The following CHRNE variants were observed in gnomAD, a reference collection of about 807,000 sequenced individuals.
CHRNE encodes the protein cholinergic receptor nicotinic epsilon subunit, also known as acetylcholine receptor subunit epsilon.
In CHRNE, 58 loss-of-function variants were observed where a neutral mutation model predicts 56.5. The observed-to-expected ratio is 1.03, with a 90% CI of 0.83 to 1.28. The LOEUF (loss-of-function observed/expected upper bound fraction) is 1.28. Ranked by LOEUF, CHRNE falls within the 50% of genes most tolerant of loss-of-function variation. The pLI is 0.00. For synonymous variants in CHRNE, 385 were observed against 297.9 expected (o/e 1.29, Z -3.01); for missense variants, 793 against 688.9 (o/e 1.15, Z -1.69).
intron 8 of CHRNE, chr17:4,900,438 C>G (rs1969943821): frequency 1.3e-6 from 2 of 1,550,964 alleles, no homozygotes; most frequent in East Asian, 4.9e-5. Flanking sequence ...TGGACGGGGT[C>G]TGCAGGGGTC....
chr17:4,905,410 A>T (rs1000680432), upstream of CHRNE, among the ~76,000 whole-genome samples: 7 of 152,036 alleles, frequency 4.6e-5, no homozygotes, highest in Non-Finnish European at 1.0e-4. Flanking sequence ...ACAACAACAA[A>T]AAATATTAGC....
Position 4,901,104 on chromosome 17 carries a change from CG to C in CHRNE, c.687del (p.Asp229GlufsTer71), listed in dbSNP as rs1250853600. The C allele has an allele frequency of 7.4e-6, 12 of 1,613,554 alleles. No individual in the cohort carries two copies. Among genetic ancestry groups the C allele is most frequent in the Non-Finnish European group, 1.0e-5 (12 of 1,179,966 alleles). On this transcript the variant is annotated frameshift_variant, in exon 7 of 12. Coordinates refer to ENST00000649488, the MANE Select transcript of CHRNE (RefSeq NM_000080.4). LOFTEE classifies it high-confidence loss of function. ...GGATDGPGET[D>X]VIYSLIIRRK... is the part of the protein sequence containing the mutation. ...CGGCGGATGATGAGCGAGTAGATGACGTCAGTCTCCCCTGGGCCGTCGGTGG... is the reference window on the plus strand; with the variant it reads ...CGGCGGATGATGAGCGAGTAGATGACTCAGTCTCCCCTGGGCCGTCGGTGG...
chr17:4,901,590 G>C lies in CHRNE; in HGVS notation c.536C>G (p.Thr179Ser). The C allele has an allele frequency of 6.2e-7, 1 of 1,614,172 alleles. No individual in the cohort carries two copies. Among genetic ancestry groups the C allele is most frequent in the South Asian group, 1.1e-5 (1 of 91,090 alleles). The change falls in exon 6 of 12, where the codon ACT becomes AGT. Residue 179 changes from threonine (T) to serine (S), a missense_variant. Physicochemically the swap from Thr to Ser is moderately conservative, Grantham distance 58. Transcript: ENST00000649488. Reference sequence around the variant, plus strand: ...CTTGCCGTCGTTGTCTACGGCAAAAGTGAACTCCACCTCTTCGGCATTGTA... The same window carrying C: ...CTTGCCGTCGTTGTCTACGGCAAAACTGAACTCCACCTCTTCGGCATTGTA... ...QTYNAEEVEF[T>S]FAVDNDGKTI... is the part of the protein sequence containing the mutation.
At position 4,902,523 on chromosome 17, in the gene CHRNE, G is replaced by A; in HGVS notation, c.190-29C>T. 6.2e-7 allele frequency: 1 copy of A among 1,614,198 alleles called. No individual in the cohort carries two copies. The highest frequency in any genetic ancestry group is 8.5e-7 in the Non-Finnish European group (1 of 1,180,028). ...CAGATGGGAGATGGGGATGATTGAAGTGAGATTTCAGGGCCAGAAGTGAGC... is the reference window on the plus strand; with the variant it reads ...CAGATGGGAGATGGGGATGATTGAAATGAGATTTCAGGGCCAGAAGTGAGC... On this transcript the variant is annotated intron_variant, in intron 2 of 11. Coordinates refer to ENST00000649488, the MANE Select transcript of CHRNE (RefSeq NM_000080.4). This position sits in a 1 kb window ranked among gnomAD's most constrained non-coding sequence, Gnocchi z 4.0.
rs1398583523 is a variant in CHRNE, at chr17:4,899,288, AGCCCACCGACGAC to A, written c.1116_1128del (p.Ser373TyrfsTer8). On this transcript the variant is annotated frameshift_variant, in exon 10 of 12. Coordinates refer to ENST00000649488, the MANE Select transcript of CHRNE (RefSeq NM_000080.4). LOFTEE classifies it high-confidence loss of function. ...ATCAGCTCCTCCGCGCGGAGCAATA[AGCCCACCGACGAC>A]GCCCGCCTTGGGGGCGAGGCGGCCC... 1.9e-6 allele frequency: 3 copies of A among 1,598,190 alleles called. No individual in the cohort carries two copies. In the Admixed American group the frequency reaches 5.0e-5, roughly 27 times the overall value.
chr17:4,908,673 C>T (rs1373606762), intron 1 of CHRNE, among the ~76,000 whole-genome samples: 3 of 151,062 alleles, frequency 2.0e-5, no homozygotes, highest in Non-Finnish European at 4.4e-5. Context: ...CCTGACAATT[C>T]CCCTACACAC....
rs776585678 is a variant in CHRNE at position 4,900,811 on chromosome 17, C to G, written c.899G>C (p.Ser300Thr). The G allele has an allele frequency of 6.2e-7, 1 of 1,614,044 alleles. No individual in the cohort carries two copies. The highest frequency in any genetic ancestry group is 1.1e-5 in the South Asian group (1 of 91,084). ...IAQKIPETSL[S>T]VPLLGRFLIF... ...GCTTCACCTGCCCAGGAGCGGCACG[C>G]TCAGAGAAGTCTCTGGGATTTTCTG... Residue 300 changes from serine (S) to threonine (T), a missense_variant, in exon 8 of 12, where the codon AGC becomes ACC. By Grantham distance (58) the Ser-to-Thr change is moderately conservative. Transcript: ENST00000649488.
rs749801173 is a variant in CHRNE at position 4,900,463 on chromosome 17, G to C, written c.917+330C>G. 9 of 1,551,116 alleles carry C rather than the reference G, an allele frequency of 5.8e-6. No individual in the cohort carries two copies. The South Asian group carries it at 1.1e-4, about 18-fold the overall frequency. ...CTGCAGGGGTCTGCCTCATTCCTGC[G>C]ACAGTCGCAACAGCAGCTAGGCCTC... is the stretch of plus-strand genomic sequence containing the variant. On this transcript the variant is annotated intron_variant, in intron 8 of 11. Transcript: ENST00000649488.
upstream of CHRNE, among the ~76,000 whole-genome samples, chr17:4,907,299 C>T (rs1488184093): frequency 6.6e-6 from 1 of 152,064 alleles, no homozygotes; most frequent in Non-Finnish European, 1.5e-5. Context: ...CGCGGGGGCT[C>T]ACGCCTGTAA....
At position 4,899,019 on chromosome 17, in the gene CHRNE, A is replaced by G; in HGVS notation, c.1308T>C (p.Asp436=). 6.2e-7 allele frequency: 1 copy of G among 1,607,154 alleles called. No individual in the cohort carries two copies. The highest frequency in any genetic ancestry group is 8.5e-7 in the Non-Finnish European group (1 of 1,177,768). ...AVNFVAESTR[D]QEATGEEVSD... ...GTCCCACCTCGCCGGTGGCCTCCTG[A>G]TCTCTCGTGCTCTCGGCCACGAAGT... Residue 436 remains aspartate, a synonymous_variant, in exon 11 of 12, where the codon GAT becomes GAC. Coordinates refer to ENST00000649488, the MANE Select transcript of CHRNE (RefSeq NM_000080.4).
rs753134441 is a variant in CHRNE, at chr17:4,902,768, G to T, written c.47-5C>A. The T allele has an allele frequency of 6.2e-7, 1 of 1,614,018 alleles. No homozygotes were observed. Among genetic ancestry groups the T allele is most frequent in the Non-Finnish European group, 8.5e-7 (1 of 1,180,018 alleles). On this transcript the variant is annotated splice_region_variant and splice_polypyrimidine_tract_variant and intron_variant, in intron 1 of 11. Transcript: ENST00000649488. This position sits in a 1 kb window ranked among gnomAD's most constrained non-coding sequence, Gnocchi z 4.0. ...CGTTCTTCCCCACACCCCTGCCTGC[G>T]ATGGGGTCAAGAAGGAAGGGTCATT...
chr17:4,902,759 C>A lies in CHRNE; in HGVS notation c.51G>T (p.Arg17Ser). The change falls in exon 2 of 12, where the codon AGG becomes AGT. Residue 17 changes from arginine to serine, a missense_variant. Coordinates refer to ENST00000649488, the MANE Select transcript of CHRNE (RefSeq NM_000080.4). This position sits in a 1 kb window ranked among gnomAD's most constrained non-coding sequence, Gnocchi z 4.0. ...GVLLLLGLLGRGVGKNEELRL... is the reference protein window; with the variant it reads ...GVLLLLGLLGSGVGKNEELRL... ...GCAGTTCCTCGTTCTTCCCCACACC[C>A]CTGCCTGCGATGGGGTCAAGAAGGA... 1 of 1,614,024 alleles carries A rather than the reference C, an allele frequency of 6.2e-7. No homozygotes were observed. The highest frequency in any genetic ancestry group is 1.1e-5 in the South Asian group (1 of 91,074).
upstream of CHRNE, among the ~76,000 whole-genome samples, chr17:4,907,314 T>C (rs1023894177): frequency 2.6e-5 from 4 of 151,602 alleles, no homozygotes; most frequent in South Asian, 2.1e-4. Context: ...CTGTAATCCC[T>C]GCACTTCGGG....
chr17:4,900,972 T>C lies in CHRNE; in HGVS notation c.802+18A>G, dbSNP rs755437862. 1.1e-5 allele frequency: 17 copies of C among 1,613,832 alleles called. No homozygotes were observed. The East Asian group carries it at 3.8e-4, about 36-fold the overall frequency. On this transcript the variant is annotated intron_variant, in intron 7 of 11. Coordinates refer to ENST00000649488, the MANE Select transcript of CHRNE (RefSeq NM_000080.4). ...GAGCGAGCCCGGGTTTGGGGGTAGG[T>C]TCGGGGCCACTGCTTACCCTGCGCC...
At position 4,898,841 on chromosome 17, in the gene CHRNE, G is replaced by A. The variant is rs1486567580; in HGVS notation, c.1377C>T (p.Phe459=). Residue 459 remains phenylalanine (F), a synonymous_variant, in exon 12 of 12, where the codon TTC becomes TTT. Coordinates refer to ENST00000649488, the MANE Select transcript of CHRNE (RefSeq NM_000080.4). Reference sequence around the variant, plus strand: ...CGCTGAAGAGCACCAGAGCGGCCCAGAAGCAGATGTTGTCAAGGGCATTCC... The same window carrying A: ...CGCTGAAGAGCACCAGAGCGGCCCAAAAGCAGATGTTGTCAAGGGCATTCC... ...RMGNALDNIC[F]WAALVLFSVG... The A allele has an allele frequency of 2.5e-6, 4 of 1,595,558 alleles. No homozygotes were observed. The East Asian group carries it at 6.8e-5, about 27-fold the overall frequency.
Position 4,899,593 on chromosome 17 carries a change from C to G in CHRNE, c.918-11G>C, listed in dbSNP as rs770576069. On this transcript the variant is annotated splice_polypyrimidine_tract_variant and intron_variant, in intron 8 of 11. Transcript: ENST00000649488. ...ACGAAAATAAGGAACCTGAGGAGCC[C>G]GGAAGGCATGACATCACCGTTCCTC... The G allele has an allele frequency of 6.4e-7, 1 of 1,556,114 alleles. No homozygotes were observed. Among genetic ancestry groups the G allele is most frequent in the Non-Finnish European group, 8.7e-7 (1 of 1,145,796 alleles).
rs374567205 is a variant in CHRNE at position 4,902,574 on chromosome 17, G to A, written c.189+47C>T. The A allele has an allele frequency of 8.7e-6, 14 of 1,614,044 alleles. No homozygotes were observed. The highest frequency in any genetic ancestry group is 1.6e-4 in the Middle Eastern group (1 of 6,084). ...TTTAGGACAGAGCTCAGCGGTTGGG[G>A]CCAGAAGTGGGATTTTTGGCTTAAG... is the stretch of plus-strand genomic sequence containing the variant. On this transcript the variant is annotated intron_variant, in intron 2 of 11. Transcript: ENST00000649488. This position sits in a 1 kb window ranked among gnomAD's most constrained non-coding sequence, Gnocchi z 4.0.
At position 4,899,081 on chromosome 17, in the gene CHRNE, C is replaced by G. The variant is rs1415632464; in HGVS notation, c.1246G>C (p.Ala416Pro). Residue 416 changes from alanine (A) to proline (P), a missense_variant, in exon 11 of 12, where the codon GCC (alanine) becomes CCC (proline). Ala to Pro is a conservative substitution (Grantham distance 27, BLOSUM62 -1). Transcript: ENST00000649488. ...ACACAGCAGCGGACCTCGGGGGCGGCGGCGCCCAGGCTCTGGCAGAAGGCA... is the reference window on the plus strand; with the variant it reads ...ACACAGCAGCGGACCTCGGGGGCGGGGGCGCCCAGGCTCTGGCAGAAGGCA... ...TAAFCQSLGA[A>P]APEVRCCVDA... 1.2e-6 allele frequency: 2 copies of G among 1,610,842 alleles called. No individual in the cohort carries two copies. The highest frequency in any genetic ancestry group is 2.2e-5 in the South Asian group (2 of 90,708).
chr17:4,904,181 C>CT (rs931413877), upstream of CHRNE, among the ~76,000 whole-genome samples: 8 of 151,808 alleles, frequency 5.3e-5, no homozygotes, highest in South Asian at 2.1e-4. Flanking sequence ...TTTTCTGTTT[C>CT]TTTTTTTGTT....
Sources: gnomAD v4.1 joint callset for allele counts (sites outside exome capture counted in the v4.1 genomes callset) on GRCh38, gnomAD v4.1.1 for gene constraint, Gnocchi (gnomAD v3.1) non-coding constraint, MANE v1.5 for transcripts, NCBI Gene and HGNC (gene_info 2026-07-23, HGNC 2026-07-21) for gene names.